Variants in GALNT13 observed in about 807,000 individuals in gnomAD.
GALNT13 encodes polypeptide N-acetylgalactosaminyltransferase 13, also known as UDP-GalNAc:polypeptide N-acetylgalactosaminyltransferase 13.
GALNT13 carries 28 observed loss-of-function variants against 64.2 expected under a neutral mutation model. The observed-to-expected ratio is 0.44, with a 90% CI of 0.32 to 0.60. The LOEUF is 0.60. Ranked by LOEUF, GALNT13 falls within the 20% of genes least tolerant of loss-of-function variation. The pLI, the probability that GALNT13 is intolerant of heterozygous loss-of-function variation, is 0.05. For missense variants in GALNT13, 577 were observed against 669.8 expected, an observed-to-expected ratio of 0.86 and a Z score of 1.53; for synonymous variants, 214 against 224.6, an observed-to-expected ratio of 0.95 and a Z score of 0.42.
chr2:153,502,542 A>T, the GALNT13 span, among the ~76,000 whole-genome samples: 1 of 152,208 alleles, frequency 6.6e-6, no homozygotes, highest in Non-Finnish European at 1.5e-5. Context: ...TTGTGCTGCT[A>T]TAAACTTGCG....
chr2:153,160,066 GA>G, the GALNT13 span, among the ~76,000 whole-genome samples: 3 of 152,118 alleles, frequency 2.0e-5, no homozygotes, highest in Admixed American at 6.5e-5. Flanking sequence ...TAACAATTGG[GA>G]AAAAAAGGAA....
chr2:153,191,432 G>T, the GALNT13 span, among the ~76,000 whole-genome samples: 3 of 152,060 alleles, frequency 2.0e-5, no homozygotes, highest in Admixed American at 1.3e-4. Flanking sequence ...TAATCATGTC[G>T]TATTATGTCT....
At chr2:153,139,835 G>C in the GALNT13 span, among the ~76,000 whole-genome samples, 1 of 151,944 alleles carries the variant, frequency 6.6e-6, no homozygotes, top group African/African-American at 2.4e-5. Context: ...AATTGCTTGA[G>C]TAATGTATTT....
the GALNT13 span, among the ~76,000 whole-genome samples, chr2:153,842,270 A>G: frequency 6.6e-6 from 1 of 152,174 alleles, no homozygotes; most frequent in Non-Finnish European, 1.5e-5. Flanking sequence ...TTTGCCAACT[A>G]CTGTCACTCA....
intron 4 of GALNT13, among the ~76,000 whole-genome samples, chr2:154,154,114 G>A (rs1454929951): frequency 6.6e-6 from 1 of 152,034 alleles, no homozygotes; most frequent in Non-Finnish European, 1.5e-5. Context: ...ATTTTGTTTT[G>A]TTCCCTATAT....
intron 3 of GALNT13, among the ~76,000 whole-genome samples, chr2:154,013,019 A>G (rs1235549778): frequency 6.7e-6 from 1 of 149,238 alleles, no homozygotes; most frequent in Non-Finnish European, 1.5e-5. Flanking sequence ...GATTTTGATG[A>G]TCTTCATTCC....
chr2:153,277,418 G>A, the GALNT13 span, among the ~76,000 whole-genome samples: 1 of 152,160 alleles, frequency 6.6e-6, no homozygotes, highest in East Asian at 1.9e-4. Flanking sequence ...GTATTCTGTG[G>A]TATATATGTA....
At chr2:153,969,920 G>C (rs115726935) in intron 3 of GALNT13, among the ~76,000 whole-genome samples, 1,752 of 152,228 alleles carry the variant, frequency 0.012, 26 homozygotes, top group African/African-American at 0.039. Context: ...AAGATGGATT[G>C]CTGAAGGTGA....
At chr2:154,127,683 T>C (rs1348024492) in intron 3 of GALNT13, among the ~76,000 whole-genome samples, 1 of 149,476 alleles carries the variant, frequency 6.7e-6, no homozygotes, top group Non-Finnish European at 1.5e-5. Context: ...CATATAGTCA[T>C]ATATATATCC....
chr2:154,272,464 C>T lies in GALNT13; in HGVS notation c.975+13326C>T, dbSNP rs546387853. Among the ~76,000 whole-genome samples the T allele has an allele frequency of 1.1e-4, 17 of 152,138 alleles. No individual in the cohort carries two copies. In the South Asian group the frequency reaches 2.7e-3, roughly 24 times the overall value. On this transcript the variant is annotated intron_variant, in intron 8 of 12. Transcript: ENST00000392825. ...ATACTTCATTGCTGTGGCTTTCTGA[C>T]CCTTCTCTGCTCATATGAACAGATA...
chr2:153,093,888 T>C, the GALNT13 span, among the ~76,000 whole-genome samples: 3 of 152,184 alleles, frequency 2.0e-5, no homozygotes, highest in Non-Finnish European at 2.9e-5. Context: ...TTGGATTTCT[T>C]CCTGGTTCAA....
At chr2:153,264,928 T>C in the GALNT13 span, among the ~76,000 whole-genome samples, 1 of 152,218 alleles carries the variant, frequency 6.6e-6, no homozygotes, top group Non-Finnish European at 1.5e-5. Flanking sequence ...ATTCTGCACA[T>C]ATACCCCAGA....
At chr2:153,971,775 T>C (rs772970325) in intron 3 of GALNT13, among the ~76,000 whole-genome samples, 7 of 152,142 alleles carry the variant, frequency 4.6e-5, no homozygotes. Flanking sequence ...TTATGCAAAT[T>C]GATAAAATAT....
chr2:153,630,579 C>G, the GALNT13 span, among the ~76,000 whole-genome samples: 3 of 147,556 alleles, frequency 2.0e-5, no homozygotes, highest in Admixed American at 2.0e-4. Context: ...AGCACACCAA[C>G]ATGGCACATG....
rs188633585 is a variant in GALNT13, at chr2:154,239,454, T to G, written c.312-2576T>G. Among the ~76,000 whole-genome samples the G allele has an allele frequency of 2.1e-3, 313 of 152,212 alleles. 1 individual carries two copies. The highest frequency in any genetic ancestry group is 6.4e-3 in the South Asian group (31 of 4,822). ...GATGATCTTTACCTTACTCTTGGCT[T>G]TGCATGCTCAAAGTGATTAGGTTTT... is the stretch of plus-strand genomic sequence containing the variant. On this transcript the variant is annotated intron_variant, in intron 4 of 12. Transcript: ENST00000392825.
the GALNT13 span, among the ~76,000 whole-genome samples, chr2:153,654,127 A>G: frequency 1.3e-5 from 2 of 152,120 alleles, no homozygotes; most frequent in South Asian, 2.1e-4. Context: ...TGAGTATGAA[A>G]TATGGGAGAT....
At chr2:154,140,635 A>C (rs1683208138) in intron 4 of GALNT13, 130 bp downstream of exon 4, 1 of 571,390 alleles carries the variant, frequency 1.8e-6, no homozygotes, top group African/African-American at 1.9e-5. Flanking sequence ...ACATAGCAGG[A>C]ATTTATTGTG....
At chr2:153,110,208 A>T in the GALNT13 span, among the ~76,000 whole-genome samples, 5 of 152,236 alleles carry the variant, frequency 3.3e-5, no homozygotes, top group East Asian at 1.9e-4. Flanking sequence ...CATAAGTAAT[A>T]AGTGGTTGGA....
the GALNT13 span, among the ~76,000 whole-genome samples, chr2:153,309,173 A>G: frequency 6.6e-6 from 1 of 152,120 alleles, no homozygotes; most frequent in Non-Finnish European, 1.5e-5. Context: ...ACAAACTCAA[A>G]ATATAACAAC....
Sources: allele counts gnomAD v4.1 joint callset (sites outside exome capture counted in the v4.1 genomes callset), GRCh38; gene constraint gnomAD v4.1.1; transcripts MANE v1.5; gene names NCBI Gene and HGNC (gene_info 2026-07-23, HGNC 2026-07-21).